The following CACNA1C variants were observed in gnomAD, a reference collection of about 807,000 sequenced individuals.
CACNA1C encodes calcium voltage-gated channel subunit alpha1 C.
A neutral mutation model predicts 229.0 loss-of-function variants in CACNA1C; 30 were observed. The ratio of observed to expected loss-of-function variants is 0.13; its 90% CI spans 0.10 to 0.18. CACNA1C has a LOEUF of 0.18. Among genes scored for constraint, CACNA1C ranks in the 10% least tolerant of loss-of-function variants. The pLI is 1.00. For synonymous variants in CACNA1C, 1,114 were observed against 1,132.5 expected (o/e 0.98, Z 0.33); for missense variants, 1,658 against 2,845.0 (o/e 0.58, Z 9.49).
At chr12:2,564,328 G>A (rs2049122592) in intron 11 of CACNA1C, among the ~76,000 whole-genome samples, 1 of 152,202 alleles carries the variant, frequency 6.6e-6, no homozygotes, top group Non-Finnish European at 1.5e-5. Flanking sequence ...TGTGAGGTTT[G>A]AAACCTCTGC....
chr12:2,058,120 T>C (rs2055955065), intron 1 of CACNA1C, among the ~76,000 whole-genome samples: 1 of 152,212 alleles, frequency 6.6e-6, no homozygotes, highest in African/African-American at 2.4e-5. Flanking sequence ...TTCTATTCCT[T>C]TCTTCACTCG....
intron 1 of CACNA1C, among the ~76,000 whole-genome samples, chr12:2,097,394 C>T (rs1020035418): frequency 2.0e-5 from 3 of 152,098 alleles, no homozygotes; most frequent in Non-Finnish European, 2.9e-5. Flanking sequence ...GATCCGCCCG[C>T]CTCGACCTCC....
intron 3 of CACNA1C, among the ~76,000 whole-genome samples, chr12:2,402,025 G>T (rs2098686478): frequency 6.6e-6 from 1 of 152,258 alleles, no homozygotes; most frequent in South Asian, 2.1e-4. Flanking sequence ...CTTTATACAT[G>T]AACATTGTAG....
chr12:1,978,570 T>TAA (rs1037584251), intron 1 of CACNA1C, among the ~76,000 whole-genome samples: 1 of 152,222 alleles, frequency 6.6e-6, no homozygotes, highest in African/African-American at 2.4e-5. Context: ...GCACAGATCT[T>TAA]AAAGTGTTCT....
chr12:2,418,238 A>G (rs1019393007), intron 3 of CACNA1C, among the ~76,000 whole-genome samples: 1 of 152,124 alleles, frequency 6.6e-6, no homozygotes, highest in African/African-American at 2.4e-5. Flanking sequence ...GCTGCCCCAC[A>G]GTGCTCCCCA....
chr12:2,629,098 C>T (rs982694985), intron 29 of CACNA1C, among the ~76,000 whole-genome samples: 17 of 152,264 alleles, frequency 1.1e-4, no homozygotes, highest in Admixed American at 7.8e-4. Flanking sequence ...TTATGATTAC[C>T]TCCCCTCAGA....
At chr12:2,395,374 A>T (rs1244949604) in intron 3 of CACNA1C, among the ~76,000 whole-genome samples, 3 of 152,134 alleles carry the variant, frequency 2.0e-5, no homozygotes, top group African/African-American at 7.2e-5. Flanking sequence ...GTGCACCACC[A>T]TGCTCAGCTA....
At chr12:2,383,181 G>A (rs2098293404) in intron 3 of CACNA1C, among the ~76,000 whole-genome samples, 1 of 152,194 alleles carries the variant, frequency 6.6e-6, no homozygotes, top group Non-Finnish European at 1.5e-5. Context: ...AACGAGTGTA[G>A]CTATTACTAT....
At chr12:2,675,350 C>T (rs985465343) in intron 39 of CACNA1C, among the ~76,000 whole-genome samples, 6 of 152,296 alleles carry the variant, frequency 3.9e-5, no homozygotes, top group Middle Eastern at 3.4e-3. Flanking sequence ...ACAACACATA[C>T]GGCTGGGTTC....
chr12:2,459,395 A>G (rs2099482747), intron 5 of CACNA1C, among the ~76,000 whole-genome samples: 1 of 152,010 alleles, frequency 6.6e-6, no homozygotes, highest in Non-Finnish European at 1.5e-5. Flanking sequence ...TGTGCCTTCT[A>G]TTGCCTCTGA....
chr12:2,350,840 C>A (rs2097183511), intron 3 of CACNA1C, among the ~76,000 whole-genome samples: 1 of 152,234 alleles, frequency 6.6e-6, no homozygotes, highest in African/African-American at 2.4e-5. Context: ...GGAGGTCACC[C>A]TGTTTATTCT....
intron 1 of CACNA1C, among the ~76,000 whole-genome samples, chr12:2,112,723 G>C (rs992604856): frequency 6.6e-6 from 1 of 152,158 alleles, no homozygotes; most frequent in Non-Finnish European, 1.5e-5. Context: ...ATGCAGGGGT[G>C]GTAGCTATGT....
intron 3 of CACNA1C, among the ~76,000 whole-genome samples, chr12:2,167,655 G>T (rs1037445524): frequency 2.6e-5 from 4 of 152,172 alleles, no homozygotes; most frequent in African/African-American, 9.7e-5. Flanking sequence ...CCACAGATTT[G>T]GATGGAGTTT....
intron 3 of CACNA1C, among the ~76,000 whole-genome samples, chr12:2,142,307 C>T (rs901332660): frequency 6.6e-6 from 1 of 151,000 alleles, no homozygotes; most frequent in Non-Finnish European, 1.5e-5. Context: ...ATCTTTCTGC[C>T]GTCGTAATGG....
intron 42 of CACNA1C, chr12:2,682,090 C>A: frequency 8.2e-7 from 1 of 1,215,152 alleles, no homozygotes; most frequent in Non-Finnish European, 1.2e-6. Flanking sequence ...CCCCAGGGTG[C>A]CAGTGTCAGA....
chr12:2,482,516 G>A (rs2099680338), intron 5 of CACNA1C, among the ~76,000 whole-genome samples: 1 of 152,214 alleles, frequency 6.6e-6, no homozygotes, highest in Non-Finnish European at 1.5e-5. Flanking sequence ...TACTTCCTAG[G>A]TTGTTGCCGG....
chr12:2,383,088 G>A (rs976081512), intron 3 of CACNA1C, among the ~76,000 whole-genome samples: 2 of 152,214 alleles, frequency 1.3e-5, no homozygotes, highest in Non-Finnish European at 2.9e-5. Context: ...TGAACTGTGT[G>A]ATCCAGGCAA....
chr12:2,543,672 C>T (rs2099876191), intron 9 of CACNA1C, among the ~76,000 whole-genome samples: 1 of 152,126 alleles, frequency 6.6e-6, no homozygotes, highest in Non-Finnish European at 1.5e-5. Context: ...ATATGCAGTG[C>T]CCCAAAAGAA....
At chr12:2,170,354 A>T (rs933551031) in intron 3 of CACNA1C, among the ~76,000 whole-genome samples, 7 of 152,168 alleles carry the variant, frequency 4.6e-5, no homozygotes, top group Non-Finnish European at 1.0e-4. Context: ...ACTGGTTTTT[A>T]GAGGGAAATG....
Sources: gnomAD v4.1 joint callset for allele counts (sites outside exome capture counted in the v4.1 genomes callset) on GRCh38, gnomAD v4.1.1 for gene constraint, MANE v1.5 for transcripts, NCBI Gene and HGNC (gene_info 2026-07-23, HGNC 2026-07-21) for gene names.